Variants in GRB14 observed in about 807,000 individuals in gnomAD.
GRB14 encodes the protein growth factor receptor-bound protein 14.
A neutral mutation model predicts 69.1 loss-of-function variants in GRB14; 38 were observed. That is an observed-to-expected ratio of 0.55 (90% CI 0.42 to 0.72). GRB14 has a LOEUF of 0.72. Ranked by LOEUF, GRB14 falls within the 30% of genes least tolerant of loss-of-function variation. The pLI is 0.00. For missense variants in GRB14, 666 were observed against 666.1 expected (o/e 1.00, Z 0.00); for synonymous variants, 247 against 241.3 (o/e 1.02, Z -0.22).
At chr2:164,573,924 A>G (rs1574323259) in intron 2 of GRB14, 1 of 1,613,150 alleles carries the variant, frequency 6.2e-7, no homozygotes, top group East Asian at 2.2e-5. Context: ...ATGGGTAACA[A>G]TGCAGTCTCA....
intron 2 of GRB14, among the ~76,000 whole-genome samples, chr2:164,552,595 G>A (rs1404705327): frequency 6.6e-6 from 1 of 152,104 alleles, no homozygotes; most frequent in African/African-American, 2.4e-5. Context: ...AGTCATTGAG[G>A]CTGATACTAA....
chr2:164,511,195 A>G (rs917004295), intron 6 of GRB14, among the ~76,000 whole-genome samples: 3 of 152,194 alleles, frequency 2.0e-5, no homozygotes, highest in African/African-American at 7.2e-5. Context: ...CAAGGACTGC[A>G]ACTCCTAAGC....
intron 2 of GRB14, among the ~76,000 whole-genome samples, chr2:164,559,443 TC>T (rs1489398683): frequency 1.3e-5 from 2 of 152,130 alleles, no homozygotes; most frequent in East Asian, 3.9e-4. Flanking sequence ...CCTTGCCTGC[TC>T]CCTCTTTCCC....
chr2:164,494,635 T>A (rs1686844875), intron 12 of GRB14, 111 bp from the exon 13 acceptor site: 3 of 722,292 alleles, frequency 4.2e-6, no homozygotes, highest in Non-Finnish European at 7.5e-6. Flanking sequence ...GGGGACTCCT[T>A]TACTATGTAT....
At chr2:164,516,322 C>G (rs1021768867) in intron 6 of GRB14, among the ~76,000 whole-genome samples, 1 of 151,964 alleles carries the variant, frequency 6.6e-6, no homozygotes, top group Non-Finnish European at 1.5e-5. Flanking sequence ...GCATAAGCAT[C>G]AGGTAACCTA....
intron 2 of GRB14, among the ~76,000 whole-genome samples, chr2:164,581,700 A>T (rs935665749): frequency 3.3e-5 from 5 of 152,184 alleles, no homozygotes; most frequent in Non-Finnish European, 7.4e-5. Context: ...AATTTGTTGT[A>T]ATTTGTTACA....
At chr2:164,598,439 A>G (rs190069436) in intron 2 of GRB14, among the ~76,000 whole-genome samples, 1 of 152,194 alleles carries the variant, frequency 6.6e-6, no homozygotes, top group Non-Finnish European at 1.5e-5. Flanking sequence ...ATCTGTGCAC[A>G]TGATTATTTT....
At chr2:164,609,397 C>G (rs1307608546) in intron 2 of GRB14, among the ~76,000 whole-genome samples, 1 of 152,160 alleles carries the variant, frequency 6.6e-6, no homozygotes, top group Non-Finnish European at 1.5e-5. Flanking sequence ...CCAACTTCTC[C>G]CTGTGTCCAT....
In GRB14 at chr2:164,577,678, C is replaced by G. The variant is rs147817128; in HGVS notation, c.325-29862G>C. On this transcript the variant is annotated intron_variant, in intron 2 of 13. Coordinates refer to ENST00000263915, the MANE Select transcript of GRB14 (RefSeq NM_004490.3). ...AGCAGTGTGAGAATGGACTAATACA[C>G]TAATATATAATAAAACTGTAGTTAG... is the stretch of plus-strand genomic sequence containing the variant. Among the ~76,000 whole-genome samples, 77 of 152,242 alleles carry G rather than the reference C, an allele frequency of 5.1e-4. 1 individual carries two copies. In the East Asian group the frequency reaches 0.014, roughly 28 times the overall value.
intron 3 of GRB14, among the ~76,000 whole-genome samples, chr2:164,540,218 A>T (rs1688196355): frequency 6.6e-6 from 1 of 152,170 alleles, no homozygotes; most frequent in Non-Finnish European, 1.5e-5. Flanking sequence ...CTCTGTCTAG[A>T]ACAATCTTCC....
At chr2:164,496,510 A>G (rs551420098) in intron 12 of GRB14, among the ~76,000 whole-genome samples, 1 of 152,334 alleles carries the variant, frequency 6.6e-6, no homozygotes, top group East Asian at 1.9e-4. Flanking sequence ...GTTAAAATTT[A>G]GAGAAAGGAC....
intron 2 of GRB14, among the ~76,000 whole-genome samples, chr2:164,575,609 A>G (rs1211183626): frequency 2.0e-5 from 3 of 152,152 alleles, no homozygotes; most frequent in African/African-American, 7.2e-5. Flanking sequence ...TCAAAAAGAT[A>G]TTTTAAACTG....
intron 1 of GRB14, chr2:164,620,059 TCTC>T (rs1558888417): frequency 1.9e-5 from 1 of 53,798 alleles, no homozygotes; most frequent in African/African-American, 1.7e-4. Context: ...TCTCTCTCTC[TCTC>T]CCCTCCCACC....
chr2:164,529,370 T>C (rs1166435478), intron 3 of GRB14, among the ~76,000 whole-genome samples: 2 of 152,182 alleles, frequency 1.3e-5, no homozygotes, highest in African/African-American at 4.8e-5. Context: ...TGTGAATTCA[T>C]ATAACGCCAC....
chr2:164,494,511 G>A lies in GRB14; in HGVS notation c.1396C>T (p.Arg466Trp), dbSNP rs1350052632. ...QGLVDGVFLVRDSQSNPKTFV... is the reference protein window; with the variant it reads ...QGLVDGVFLVWDSQSNPKTFV... ...GTTTTGGGGTTACTCTGACTATCCCGTACCAAGAAAACTCTAAAGAGAGAG... is the reference window on the plus strand; with the variant it reads ...GTTTTGGGGTTACTCTGACTATCCCATACCAAGAAAACTCTAAAGAGAGAG... The change falls in exon 13 of 14, where the codon CGG (arginine) becomes TGG (tryptophan). Residue 466 changes from arginine to tryptophan, a missense_variant. Arg to Trp is a moderately radical substitution (Grantham distance 101). Coordinates refer to ENST00000263915, the MANE Select transcript of GRB14 (RefSeq NM_004490.3). The A allele has an allele frequency of 5.1e-6, 8 of 1,559,066 alleles. No individual in the cohort carries two copies. Among genetic ancestry groups the A allele is most frequent in the East Asian group, 2.2e-5 (1 of 44,498 alleles).
intron 3 of GRB14, among the ~76,000 whole-genome samples, chr2:164,541,671 C>T (rs1370694514): frequency 6.6e-6 from 1 of 151,816 alleles, no homozygotes; most frequent in Non-Finnish European, 1.5e-5. Context: ...CTTCCCTTTA[C>T]AATTCTATTT....
chr2:164,554,450 T>C (rs1053730045), intron 2 of GRB14, among the ~76,000 whole-genome samples: 3 of 152,174 alleles, frequency 2.0e-5, no homozygotes, highest in African/African-American at 7.2e-5. Context: ...AGAAATTTTG[T>C]TCCATCAAAG....
intron 4 of GRB14, among the ~76,000 whole-genome samples, chr2:164,525,382 A>C (rs1251864469): frequency 2.6e-4 from 39 of 152,050 alleles, no homozygotes; most frequent in Admixed American, 2.5e-3. Flanking sequence ...CTTATTCCTG[A>C]GTCCCGCAAC....
chr2:164,587,125 A>G (rs1689558426), intron 2 of GRB14, among the ~76,000 whole-genome samples: 1 of 152,234 alleles, frequency 6.6e-6, no homozygotes, highest in South Asian at 2.1e-4. Context: ...CAGTTTCCAG[A>G]GAGAAAGTTA....
Sources: gnomAD v4.1 joint callset for allele counts (sites outside exome capture counted in the v4.1 genomes callset) on GRCh38, gnomAD v4.1.1 for gene constraint, MANE v1.5 for transcripts, NCBI Gene and HGNC (gene_info 2026-07-23, HGNC 2026-07-21) for gene names.